Variants in FCHO2 observed in about 807,000 individuals in gnomAD.
The protein encoded by FCHO2 is FCH and mu domain containing endocytic adaptor 2, also known as F-BAR domain only protein 2.
Under a neutral mutation model 114.1 loss-of-function variants are expected in FCHO2, and 43 were observed. The ratio of observed to expected loss-of-function variants is 0.38; its 90% CI spans 0.30 to 0.49. The LOEUF is 0.49. Ranked by LOEUF, FCHO2 falls within the 20% of genes least tolerant of loss-of-function variation. FCHO2 has a pLI of 0.97. For missense variants in FCHO2, 807 were observed against 950.4 expected (o/e 0.85, Z 1.98); for synonymous variants, 293 against 315.2 (o/e 0.93, Z 0.75).
chr5:73,070,292 T>C (rs1742571632), intron 19 of FCHO2, among the ~76,000 whole-genome samples: 1 of 152,136 alleles, frequency 6.6e-6, no homozygotes, highest in Admixed American at 6.6e-5. Flanking sequence ...TAGGCTAGAA[T>C]GAAATATAAA....
chr5:72,974,814 T>C (rs1211868279), intron 2 of FCHO2, among the ~76,000 whole-genome samples: 1 of 152,186 alleles, frequency 6.6e-6, no homozygotes, highest in Admixed American at 6.6e-5. Flanking sequence ...GTCTTTACAT[T>C]TTGGCATGAT....
intron 13 of FCHO2, among the ~76,000 whole-genome samples, chr5:73,053,958 A>C (rs1045104353): frequency 1.4e-4 from 22 of 152,190 alleles, no homozygotes; most frequent in Admixed American, 1.3e-4. Flanking sequence ...ACAATTTTAT[A>C]GTTAATATTG....
At chr5:73,068,413 A>C (rs1742468630) in intron 18 of FCHO2, among the ~76,000 whole-genome samples, 3 of 152,188 alleles carry the variant, frequency 2.0e-5, no homozygotes, top group African/African-American at 7.2e-5. Context: ...ACTTTTTTAA[A>C]TACAGAAAAA....
At chr5:73,021,185 G>T in intron 8 of FCHO2, 1 of 767,862 alleles carries the variant, frequency 1.3e-6, no homozygotes, top group Non-Finnish European at 2.4e-6. Context: ...TGGTGAACCG[G>T]CTGTAGAGCA....
At chr5:73,038,907 A>G (rs1237913189) in intron 10 of FCHO2, among the ~76,000 whole-genome samples, 3 of 152,200 alleles carry the variant, frequency 2.0e-5, no homozygotes, top group Non-Finnish European at 2.9e-5. Flanking sequence ...GTTAGTGGCT[A>G]TATTGTAAAG....
chr5:73,011,173 T>G (rs1350896725), intron 6 of FCHO2, among the ~76,000 whole-genome samples: 1 of 152,136 alleles, frequency 6.6e-6, no homozygotes, highest in East Asian at 1.9e-4. Flanking sequence ...GTTGAGTTAG[T>G]GAATGAGTAG....
chr5:73,084,963 T>C (rs1014847126), intron 24 of FCHO2, among the ~76,000 whole-genome samples: 5 of 152,234 alleles, frequency 3.3e-5, no homozygotes, highest in Admixed American at 6.5e-5. Flanking sequence ...TAAGGGCTTA[T>C]AACCAGTTTA....
At chr5:72,984,897 A>G (rs1753422681) in intron 2 of FCHO2, among the ~76,000 whole-genome samples, 1 of 152,066 alleles carries the variant, frequency 6.6e-6, no homozygotes, top group East Asian at 1.9e-4. Context: ...CGGCCTCCCA[A>G]AGAGTCGGGA....
intron 6 of FCHO2, among the ~76,000 whole-genome samples, chr5:73,013,934 T>TTGG (rs1755158177): frequency 2.6e-5 from 4 of 152,184 alleles, no homozygotes; most frequent in South Asian, 2.1e-4. Flanking sequence ...TCAGCTGGCC[T>TTGG]CGGCCTCCCA....
chr5:72,968,150 T>C (rs1752307955), intron 1 of FCHO2, among the ~76,000 whole-genome samples: 1 of 151,512 alleles, frequency 6.6e-6, no homozygotes, highest in African/African-American at 2.4e-5. Flanking sequence ...AGTCTCGACC[T>C]CCTGACCTCG....
chr5:72,996,822 C>T lies in FCHO2; in HGVS notation c.495+5958C>T, dbSNP rs1754133771. On this transcript the variant is annotated intron_variant, in intron 5 of 25. Coordinates refer to ENST00000430046, the MANE Select transcript of FCHO2 (RefSeq NM_138782.3). ...AGCCTCTCCTGCCACTTAGGGCTGCCGTTCCCCCTCCCGGCAACGGGGGGC... is the reference window on the plus strand; with the variant it reads ...AGCCTCTCCTGCCACTTAGGGCTGCTGTTCCCCCTCCCGGCAACGGGGGGC... 20 of 794,056 alleles carry T rather than the reference C, an allele frequency of 2.5e-5. No homozygotes were observed. The South Asian group carries it at 2.6e-4, about 10-fold the overall frequency. 49.2% of individuals were successfully genotyped at this position (794,056 alleles called of 1,614,324 possible). A position where few individuals can be genotyped will look rare whatever the true frequency, so the allele number is the denominator to read the frequency against.
chr5:73,052,300 A>T, intron 12 of FCHO2, 32 bp from the exon 13 acceptor site: 1 of 1,561,116 alleles, frequency 6.4e-7, no homozygotes, highest in South Asian at 1.2e-5. Context: ...CGTCTAAGGT[A>T]ATTTAAAAAC....
At chr5:72,976,732 C>A (rs1752907089) in intron 2 of FCHO2, among the ~76,000 whole-genome samples, 1 of 152,054 alleles carries the variant, frequency 6.6e-6, no homozygotes, top group Non-Finnish European at 1.5e-5. Context: ...ATGAACCTGT[C>A]ATCCACATTA....
At chr5:72,989,571 G>C (rs749121661) in intron 3 of FCHO2, 70 bp downstream of exon 3, 296 of 1,248,694 alleles carry the variant, frequency 2.4e-4, no homozygotes, top group Non-Finnish European at 3.4e-4. Flanking sequence ...GGTTCCTTTT[G>C]AGGACATAAC....
intron 2 of FCHO2, among the ~76,000 whole-genome samples, chr5:72,975,704 C>T (rs1415850923): frequency 1.3e-5 from 2 of 152,082 alleles, no homozygotes; most frequent in Non-Finnish European, 2.9e-5. Context: ...GGGGTTTTGC[C>T]ATGTCAGCCA....
chr5:72,995,394 T>A (rs1020235020), intron 5 of FCHO2, among the ~76,000 whole-genome samples: 10 of 151,994 alleles, frequency 6.6e-5, no homozygotes, highest in African/African-American at 2.2e-4. Context: ...TAGTTGGGAT[T>A]ACAGTCATGT....
intron 24 of FCHO2, among the ~76,000 whole-genome samples, chr5:73,083,449 A>G (rs1743189794): frequency 6.6e-6 from 1 of 152,250 alleles, no homozygotes; most frequent in Non-Finnish European, 1.5e-5. Flanking sequence ...TTAAGAAACT[A>G]TACCTAGTAA....
rs575787149 is a variant in FCHO2 at position 72,997,962 on chromosome 5, T to C, written c.495+7098T>C. On this transcript the variant is annotated intron_variant, in intron 5 of 25. Coordinates refer to ENST00000430046, the MANE Select transcript of FCHO2 (RefSeq NM_138782.3). ...GCAGGACCCGCCAGAGCCACAGATATATGGTGATCCAGGAGGCTCAAAGAG... is the reference window on the plus strand; with the variant it reads ...GCAGGACCCGCCAGAGCCACAGATACATGGTGATCCAGGAGGCTCAAAGAG... Among the ~76,000 whole-genome samples the C allele has an allele frequency of 2.5e-3, 372 of 151,752 alleles. 1 individual carries two copies. Among genetic ancestry groups the C allele is most frequent in the Middle Eastern group, 3.4e-3 (1 of 294 alleles).
intron 8 of FCHO2, among the ~76,000 whole-genome samples, chr5:73,017,597 T>G (rs1319604691): frequency 6.6e-6 from 1 of 152,170 alleles, no homozygotes; most frequent in African/African-American, 2.4e-5. Context: ...AAGTGGTTAT[T>G]ATAACATTTT....
Sources: allele counts gnomAD v4.1 joint callset (sites outside exome capture counted in the v4.1 genomes callset), GRCh38; gene constraint gnomAD v4.1.1; transcripts MANE v1.5; gene names NCBI Gene and HGNC (gene_info 2026-07-23, HGNC 2026-07-21).